Variants in RTN1 observed in about 807,000 individuals in gnomAD.
The protein encoded by RTN1 is reticulon 1.
A neutral mutation model predicts 65.5 loss-of-function variants in RTN1; 25 were observed. The observed-to-expected ratio is 0.38, with a 90% CI of 0.28 to 0.53. The LOEUF (loss-of-function observed/expected upper bound fraction) is 0.53, where lower values mean the gene tolerates loss of function less well. Ranked by LOEUF, RTN1 falls within the 20% of genes least tolerant of loss-of-function variation. The pLI is 0.79. For missense variants in RTN1, 983 were observed against 1,025.4 expected (o/e 0.96, Z 0.57); for synonymous variants, 471 against 447.6 (o/e 1.05, Z -0.66).
intron 3 of RTN1, chr14:59,630,344 A>G (rs1422555517): frequency 6.8e-7 from 1 of 1,464,628 alleles, no homozygotes; most frequent in African/African-American, 1.4e-5. Context: ...TGGGGTATAA[A>G]GCATGCACAG....
In RTN1 at chr14:59,603,072, C is replaced by T; in HGVS notation, c.2281G>A (p.Val761Met). ...TTGCACTATGTGACTTACTTTGCCA[C>T]AACAGCATTTATGTGAGTCCTCACA... ...GLVRTHINAV[V>M]AKIQAKIPGA... is the part of the protein sequence containing the mutation. Residue 761 changes from valine (V) to methionine (M), a missense_variant, in exon 8 of 9, where the codon GTG becomes ATG. Physicochemically the swap from Val to Met is conservative, Grantham distance 21. Around this residue, in one of 2 missense-constraint regions of RTN1, gnomAD observed 165 missense variants for 223.6 expected, o/e 0.74. Transcript: ENST00000267484. 6.2e-7 allele frequency: 1 copy of T among 1,613,288 alleles called. No homozygotes were observed. The highest frequency in any genetic ancestry group is 8.5e-7 in the Non-Finnish European group (1 of 1,179,688).
At chr14:59,801,079 A>C (rs1311618454) in intron 1 of RTN1, among the ~76,000 whole-genome samples, 5 of 152,226 alleles carry the variant, frequency 3.3e-5, no homozygotes, top group African/African-American at 1.2e-4. Flanking sequence ...GGAAAAAACA[A>C]AACACAGCAT....
intron 1 of RTN1, among the ~76,000 whole-genome samples, chr14:59,779,007 G>A (rs1209257846): frequency 6.6e-6 from 1 of 152,184 alleles, no homozygotes; most frequent in Non-Finnish European, 1.5e-5. Flanking sequence ...CACTCTGGAA[G>A]TGTGGTAGAC....
intron 1 of RTN1, among the ~76,000 whole-genome samples, chr14:59,824,007 T>C (rs1004093267): frequency 2.0e-5 from 3 of 152,230 alleles, no homozygotes; most frequent in African/African-American, 7.2e-5. Flanking sequence ...TTTTCTTTCT[T>C]GTATGTCATT....
At chr14:59,629,856 A>G (rs1387397938) in intron 3 of RTN1, among the ~76,000 whole-genome samples, 1 of 152,208 alleles carries the variant, frequency 6.6e-6, no homozygotes, top group Non-Finnish European at 1.5e-5. Context: ...GGTTACTCCA[A>G]TGACAGAAAA....
At chr14:59,658,527 C>T (rs1340826776) in intron 3 of RTN1, among the ~76,000 whole-genome samples, 2 of 152,210 alleles carry the variant, frequency 1.3e-5, no homozygotes, top group Admixed American at 1.3e-4. Context: ...GACGAAGCTT[C>T]CAGAGGAAGG....
chr14:59,763,833 C>T (rs17096580), intron 1 of RTN1, among the ~76,000 whole-genome samples: 4,451 of 152,094 alleles, frequency 0.029, 204 homozygotes, highest in African/African-American at 0.1. Flanking sequence ...GTGCAGCCAA[C>T]CTTAACACAA....
chr14:59,756,302 G>A (rs1489095453), intron 1 of RTN1, among the ~76,000 whole-genome samples: 2 of 152,168 alleles, frequency 1.3e-5, no homozygotes, highest in Non-Finnish European at 2.9e-5. Flanking sequence ...TAGGGAAATG[G>A]TGGAGGTGAA....
At chr14:59,726,776 C>T (rs777288457) in intron 3 of RTN1, 143 bp downstream of exon 3, 10 of 722,728 alleles carry the variant, frequency 1.4e-5, no homozygotes, top group Non-Finnish European at 2.3e-5. Context: ...CATCTCCTCC[C>T]ATCCCCCCTG....
At chr14:59,817,275 A>T (rs77799013) in intron 1 of RTN1, among the ~76,000 whole-genome samples, 1,835 of 152,260 alleles carry the variant, frequency 0.012, 35 homozygotes, top group African/African-American at 0.041. Flanking sequence ...GCTATGAAGA[A>T]AAAATAAAGG....
intron 1 of RTN1, among the ~76,000 whole-genome samples, chr14:59,779,084 G>A (rs993525920): frequency 2.0e-5 from 3 of 152,090 alleles, no homozygotes; most frequent in African/African-American, 7.2e-5. Flanking sequence ...GTCCAGGGGA[G>A]CAGTAATAAG....
chr14:59,647,043 G>A (rs1047339115), intron 3 of RTN1: 20 of 153,278 alleles, frequency 1.3e-4, no homozygotes, highest in Admixed American at 4.6e-4. Context: ...CCAATGGTAT[G>A]CTGTCTTCAA....
chr14:59,775,951 C>A (rs112909338), intron 1 of RTN1, among the ~76,000 whole-genome samples: 1 of 151,904 alleles, frequency 6.6e-6, no homozygotes, highest in African/African-American at 2.4e-5. Context: ...GAGATCAATC[C>A]GTATAAATAA....
At chr14:59,820,066 C>G (rs1253494411) in intron 1 of RTN1, among the ~76,000 whole-genome samples, 11 of 152,190 alleles carry the variant, frequency 7.2e-5, no homozygotes, top group Admixed American at 7.2e-4. Flanking sequence ...GCGCCGAGAG[C>G]GAGTGAGGGG....
At chr14:59,698,256 T>G (rs1884105259) in intron 3 of RTN1, among the ~76,000 whole-genome samples, 1 of 152,178 alleles carries the variant, frequency 6.6e-6, no homozygotes, top group Non-Finnish European at 1.5e-5. Flanking sequence ...CTGAACCTTT[T>G]GTACAGTTAG....
chr14:59,611,983 C>G (rs1881965467), intron 3 of RTN1, among the ~76,000 whole-genome samples: 2 of 152,150 alleles, frequency 1.3e-5, no homozygotes, highest in South Asian at 2.1e-4. Flanking sequence ...TGACTATCTG[C>G]TTTTTGCCTT....
At chr14:59,862,836 G>A (rs989578841) in intron 1 of RTN1, among the ~76,000 whole-genome samples, 2 of 152,088 alleles carry the variant, frequency 1.3e-5, no homozygotes, top group African/African-American at 4.8e-5. Context: ...TTTCCCAAAC[G>A]ACAATTTTAT....
intron 3 of RTN1, among the ~76,000 whole-genome samples, chr14:59,717,003 A>AG (rs1243936105): frequency 6.6e-6 from 1 of 151,652 alleles, no homozygotes; most frequent in Non-Finnish European, 1.5e-5. Context: ...AAAAAAAAAA[A>AG]GAAGTAGAGG....
chr14:59,597,778 G>C (rs1465915664), intron 8 of RTN1, among the ~76,000 whole-genome samples: 1 of 152,214 alleles, frequency 6.6e-6, no homozygotes, highest in African/African-American at 2.4e-5. Context: ...CAGAGGACAG[G>C]AAGGGACCAT....
Sources: gnomAD v4.1 joint callset for allele counts (sites outside exome capture counted in the v4.1 genomes callset) on GRCh38, gnomAD v4.1.1 for gene constraint, gnomAD v4.1.1 regional missense constraint, MANE v1.5 for transcripts, NCBI Gene and HGNC (gene_info 2026-07-23, HGNC 2026-07-21) for gene names.